The following CLSTN2 variants were observed in gnomAD, a reference collection of about 807,000 sequenced individuals.
The protein encoded by CLSTN2 is calsyntenin 2.
In CLSTN2, 48 loss-of-function variants were observed where a neutral mutation model predicts 101.2. That is an observed-to-expected ratio of 0.47 (90% CI 0.38 to 0.60). The LOEUF (loss-of-function observed/expected upper bound fraction) is 0.60. Ranked by LOEUF, CLSTN2 falls within the 20% of genes least tolerant of loss-of-function variation. The probability of loss-of-function intolerance (pLI) is 0.00; values close to 1 mark genes in which losing one functional copy is unlikely to be tolerated. For missense variants in CLSTN2, 1,160 were observed against 1,238.2 expected, an observed-to-expected ratio of 0.94 and a Z score of 0.95; for synonymous variants, 481 against 463.6, an observed-to-expected ratio of 1.04 and a Z score of -0.48.
chr3:140,181,673 C>T (rs2010411100), intron 2 of CLSTN2, among the ~76,000 whole-genome samples: 2 of 150,428 alleles, frequency 1.3e-5, no homozygotes, highest in South Asian at 2.1e-4. Context: ...TTGAAAGATA[C>T]AGTTTCAGAC....
chr3:140,262,600 T>G (rs1185124223), intron 2 of CLSTN2, among the ~76,000 whole-genome samples: 2 of 152,122 alleles, frequency 1.3e-5, no homozygotes, highest in Non-Finnish European at 2.9e-5. Context: ...TAGTGGTAAT[T>G]GTTTTAGTAA....
At chr3:140,488,618 T>A (rs1934282924) in intron 8 of CLSTN2, among the ~76,000 whole-genome samples, 1 of 146,586 alleles carries the variant, frequency 6.8e-6, no homozygotes, top group African/African-American at 2.5e-5. Context: ...AGTTCTGCTG[T>A]GGAATGCATT....
In CLSTN2 at chr3:140,276,918, G is replaced by A. The variant is rs893743368; in HGVS notation, c.232+100845G>A. 2.6e-5 allele frequency among the ~76,000 whole-genome samples: 4 copies of A among 152,300 alleles called. No homozygotes were observed. The South Asian group carries it at 6.2e-4, about 24-fold the overall frequency. On this transcript the variant is annotated intron_variant, in intron 2 of 16. Coordinates refer to ENST00000458420, the MANE Select transcript of CLSTN2 (RefSeq NM_022131.3). Reference sequence around the variant, plus strand: ...CTTAAGAAAGCCTGTAGGCAGAGAAGCAGGGAGAGGCAGGCCCTTGAGGTA... The same window carrying A: ...CTTAAGAAAGCCTGTAGGCAGAGAAACAGGGAGAGGCAGGCCCTTGAGGTA...
Position 140,574,749 on chromosome 3 carries a change from TC to T in CLSTN2, c.*8498del, listed in dbSNP as rs934257314. On this transcript the variant is annotated 3_prime_UTR_variant, in exon 17 of 17. Transcript: ENST00000458420. ...GGGACACCCACACACGTATTGAGGG[TC>T]CTTTTCCCCGGCAGGAGGAGCTACC... 2 of 152,160 alleles carry T rather than the reference TC, an allele frequency of 1.3e-5. No individual in the cohort carries two copies. The highest frequency in any genetic ancestry group is 4.8e-5 in the African/African-American group (2 of 41,424). The allele number at this position is 152,160 out of a possible 1,614,324, so 9.4% of individuals were successfully genotyped here.
intron 2 of CLSTN2, among the ~76,000 whole-genome samples, chr3:140,190,999 CAG>C (rs1320046807): frequency 2.0e-5 from 3 of 152,076 alleles, no homozygotes; most frequent in African/African-American, 7.2e-5. Flanking sequence ...TTCCCAGTCT[CAG>C]GGGAAAGCAT....
intron 8 of CLSTN2, among the ~76,000 whole-genome samples, chr3:140,529,657 C>T (rs1935214299): frequency 6.6e-6 from 1 of 152,154 alleles, no homozygotes; most frequent in South Asian, 2.1e-4. Context: ...TTTCCTTTAG[C>T]TGCTGTCACA....
intron 2 of CLSTN2, among the ~76,000 whole-genome samples, chr3:140,268,122 C>T (rs2086712118): frequency 6.6e-6 from 1 of 152,062 alleles, no homozygotes; most frequent in South Asian, 2.1e-4. Context: ...CGCTGGCTGC[C>T]CTCACATAGC....
chr3:140,049,617 T>G (rs1188699569), intron 1 of CLSTN2, among the ~76,000 whole-genome samples: 1 of 152,166 alleles, frequency 6.6e-6, no homozygotes, highest in Admixed American at 6.5e-5. Flanking sequence ...GTGCCTAAGC[T>G]GGGCCATGAT....
At chr3:140,373,830 A>T (rs1322542224) in intron 2 of CLSTN2, among the ~76,000 whole-genome samples, 2 of 152,296 alleles carry the variant, frequency 1.3e-5, no homozygotes, top group Middle Eastern at 3.4e-3. Context: ...AAGCAAGGAG[A>T]CAGGGAGTTC....
chr3:140,493,793 C>A (rs1934397512), intron 8 of CLSTN2, among the ~76,000 whole-genome samples: 1 of 152,200 alleles, frequency 6.6e-6, no homozygotes, highest in South Asian at 2.1e-4. Context: ...AGATGGGAGA[C>A]CTATGAGAAT....
intron 2 of CLSTN2, among the ~76,000 whole-genome samples, chr3:140,384,126 A>G (rs2088024687): frequency 6.6e-6 from 1 of 152,220 alleles, no homozygotes; most frequent in Non-Finnish European, 1.5e-5. Flanking sequence ...AATAAAAGGT[A>G]CATGAAAAGA....
chr3:140,387,401 A>G (rs1298392754), intron 2 of CLSTN2, among the ~76,000 whole-genome samples: 2 of 152,240 alleles, frequency 1.3e-5, no homozygotes, highest in Admixed American at 6.5e-5. Context: ...ACTGGTGGCT[A>G]TAACAGCAGT....
chr3:140,251,579 CTTCCG>C (rs1559819483), intron 2 of CLSTN2, among the ~76,000 whole-genome samples: 1 of 53,020 alleles, frequency 1.9e-5, no homozygotes, highest in African/African-American at 7.7e-5. Flanking sequence ...CAACTCTTAG[CTTCCG>C]TTCCTTTCCT....
chr3:140,261,694 T>A (rs939138453), intron 2 of CLSTN2, among the ~76,000 whole-genome samples: 1 of 152,196 alleles, frequency 6.6e-6, no homozygotes, highest in African/African-American at 2.4e-5. Flanking sequence ...CATATCTACA[T>A]ATTGTACGTG....
At chr3:140,201,534 G>A (rs949439842) in intron 2 of CLSTN2, among the ~76,000 whole-genome samples, 3 of 152,110 alleles carry the variant, frequency 2.0e-5, no homozygotes, top group African/African-American at 7.2e-5. Flanking sequence ...GAGGCATGGG[G>A]AATCAAAGTG....
intron 9 of CLSTN2, among the ~76,000 whole-genome samples, chr3:140,543,983 A>G (rs1488290445): frequency 2.0e-5 from 3 of 152,222 alleles, no homozygotes; most frequent in Non-Finnish European, 4.4e-5. Flanking sequence ...CTGTCTCTGG[A>G]GCTAAAGTCA....
intron 1 of CLSTN2, among the ~76,000 whole-genome samples, chr3:140,148,051 A>G (rs956762270): frequency 2.6e-5 from 4 of 152,208 alleles, no homozygotes; most frequent in African/African-American, 9.6e-5. Context: ...TAAATGGCTG[A>G]AATGGAAAGG....
intron 2 of CLSTN2, among the ~76,000 whole-genome samples, chr3:140,344,996 C>A (rs2087530063): frequency 6.6e-6 from 1 of 152,176 alleles, no homozygotes; most frequent in Non-Finnish European, 1.5e-5. Flanking sequence ...TACGAGCCGT[C>A]TGGGCACATC....
At chr3:139,960,701 T>C (rs1935493077) in intron 1 of CLSTN2, among the ~76,000 whole-genome samples, 1 of 152,186 alleles carries the variant, frequency 6.6e-6, no homozygotes. Flanking sequence ...GGTTCAACCA[T>C]GTTAGAATAT....
Sources: allele counts gnomAD v4.1 joint callset (sites outside exome capture counted in the v4.1 genomes callset), GRCh38; gene constraint gnomAD v4.1.1; transcripts MANE v1.5; gene names NCBI Gene and HGNC (gene_info 2026-07-23, HGNC 2026-07-21).